LEPR: variants seen among roughly 807,000 people sequenced by gnomAD.
LEPR encodes leptin receptor.
A neutral mutation model predicts 114.7 loss-of-function variants in LEPR; 56 were observed. That is an observed-to-expected ratio of 0.49 (90% CI 0.39 to 0.61). The LOEUF is 0.61. Among genes scored for constraint, LEPR ranks in the 20% least tolerant of loss-of-function variants. The pLI is 0.00. For synonymous variants in LEPR, 443 were observed against 461.4 expected (o/e 0.96, Z 0.51); for missense variants, 1,202 against 1,352.9 (o/e 0.89, Z 1.75).
At chr1:65,555,266 G>C (rs1433796374) in intron 2 of LEPR, among the ~76,000 whole-genome samples, 5 of 152,200 alleles carry the variant, frequency 3.3e-5, no homozygotes, top group African/African-American at 9.6e-5. Flanking sequence ...CTGACTAACA[G>C]AATGCACAGC....
At chr1:65,581,388 C>T (rs1021211285) in intron 5 of LEPR, among the ~76,000 whole-genome samples, 3 of 151,894 alleles carry the variant, frequency 2.0e-5, no homozygotes, top group African/African-American at 7.3e-5. Flanking sequence ...AGCCCATATG[C>T]GCATCTAAGT....
chr1:65,570,730 T>C lies in LEPR; in HGVS notation c.298T>C (p.Ser100Pro). 1 of 1,609,076 alleles carries C rather than the reference T, an allele frequency of 6.2e-7. No homozygotes were observed. The highest frequency in any genetic ancestry group is 2.2e-5 in the East Asian group (1 of 44,758). The change falls in exon 4 of 20, where the codon TCC becomes CCC. Residue 100 changes from serine (S) to proline (P), a missense_variant. By Grantham distance (74) the Ser-to-Pro change is moderately conservative. Transcript: ENST00000349533. ...CFRSEQDRNC[S>P]LCADNIEGKT... is the part of the protein sequence containing the mutation. ...TCGGAGTGAGCAAGATAGAAACTGC[T>C]CCTTATGTGCAGACAACATTGAAGG...
chr1:65,485,547 G>T (rs1055626610), intron 2 of LEPR, among the ~76,000 whole-genome samples: 3 of 151,976 alleles, frequency 2.0e-5, no homozygotes, highest in African/African-American at 7.2e-5. Flanking sequence ...TAGGAGGTGG[G>T]GTTCAGATGA....
At chr1:65,447,808 T>C (rs1308105959) in intron 2 of LEPR, among the ~76,000 whole-genome samples, 1 of 152,198 alleles carries the variant, frequency 6.6e-6, no homozygotes, top group Non-Finnish European at 1.5e-5. Context: ...CCTAAAGTGC[T>C]GTATTGTGTT....
chr1:65,429,940 T>C, intron 2 of LEPR: 1 of 1,570,920 alleles, frequency 6.4e-7, no homozygotes, highest in Non-Finnish European at 8.7e-7. Flanking sequence ...GAGTCACCTA[T>C]GACTCAGATG....
At chr1:65,635,008 A>C in intron 19 of LEPR, 1 of 835,264 alleles carries the variant, frequency 1.2e-6, no homozygotes, top group Non-Finnish European at 1.4e-6. Flanking sequence ...TTCCATTATT[A>C]TATTTTGCGC....
intron 2 of LEPR, among the ~76,000 whole-genome samples, chr1:65,488,176 CTT>C (rs1376734047): frequency 7.0e-5 from 1 of 14,274 alleles, no homozygotes; most frequent in Non-Finnish European, 1.5e-4. Flanking sequence ...TTCTTTCTTT[CTT>C]TCTTTCTTTC....
intron 1 of LEPR, chr1:65,421,510 T>C: frequency 6.5e-7 from 1 of 1,533,868 alleles, no homozygotes; most frequent in Non-Finnish European, 8.7e-7. Flanking sequence ...CATGACTTGT[T>C]TTTATATTGG....
intron 5 of LEPR, among the ~76,000 whole-genome samples, chr1:65,591,239 C>T (rs1655675664): frequency 6.6e-6 from 1 of 151,930 alleles, no homozygotes. Flanking sequence ...GTTTTATGGA[C>T]CAGAATATGG....
chr1:65,467,523 C>T (rs7520568), intron 2 of LEPR, among the ~76,000 whole-genome samples: 44,596 of 152,124 alleles, frequency 0.29, 8,370 homozygotes, highest in Non-Finnish European at 0.41. Context: ...TCTGTCCATT[C>T]TCAGAGCTTG....
chr1:65,570,734 T>A lies in LEPR; in HGVS notation c.302T>A (p.Leu101Ter). Reference sequence around the variant, plus strand: ...AGTGAGCAAGATAGAAACTGCTCCTTATGTGCAGACAACATTGAAGGAAAG... The same window carrying A: ...AGTGAGCAAGATAGAAACTGCTCCTAATGTGCAGACAACATTGAAGGAAAG... ...FRSEQDRNCS[L>*]CADNIEGKTF... Residue 101 changes from leucine to a stop codon, truncating the protein, a stop_gained, in exon 4 of 20, where the codon TTA (leucine) becomes TAA (stop). Transcript: ENST00000349533. LOFTEE classifies it high-confidence loss of function. 6.2e-7 allele frequency: 1 copy of A among 1,604,682 alleles called. No homozygotes were observed. Among genetic ancestry groups the A allele is most frequent in the Non-Finnish European group, 8.5e-7 (1 of 1,173,646 alleles).
At chr1:65,634,333 T>C (rs1410458581) in intron 19 of LEPR, 3 of 981,366 alleles carry the variant, frequency 3.1e-6, no homozygotes, top group Non-Finnish European at 3.6e-6. Context: ...TCTTGACTTC[T>C]AATAGGTGTC....
In LEPR at chr1:65,636,480, C is replaced by G. The variant is rs202055592; in HGVS notation, c.2963C>G (p.Thr988Arg). 4 of 1,614,050 alleles carry G rather than the reference C, an allele frequency of 2.5e-6. No homozygotes were observed. The highest frequency in any genetic ancestry group is 3.4e-6 in the Non-Finnish European group (4 of 1,179,988). Residue 988 changes from threonine to arginine, a missense_variant, in exon 20 of 20, where the codon ACG becomes AGG. Thr to Arg is a moderately conservative substitution (Grantham distance 71, BLOSUM62 -1). Coordinates refer to ENST00000349533, the MANE Select transcript of LEPR (RefSeq NM_002303.6). ...AGACAACCCTTTGTTAAATACGCCA[C>G]GCTGATCAGCAACTCTAAACCAAGT... ...SQRQPFVKYA[T>R]LISNSKPSET...
intron 2 of LEPR, among the ~76,000 whole-genome samples, chr1:65,555,714 C>G (rs1652768060): frequency 6.6e-6 from 1 of 152,080 alleles, no homozygotes; most frequent in African/African-American, 2.4e-5. Context: ...TCAAGCTATA[C>G]TTGTTTCTGC....
At chr1:65,634,050 T>C in intron 19 of LEPR, 1 of 985,348 alleles carries the variant, frequency 1.0e-6, no homozygotes, top group Middle Eastern at 5.2e-4. Context: ...GGGAGACTCT[T>C]TGGAGCTTTT....
intron 10 of LEPR, among the ~76,000 whole-genome samples, chr1:65,603,021 AT>A (rs1656546956): frequency 6.6e-6 from 1 of 152,144 alleles, no homozygotes; most frequent in South Asian, 2.1e-4. Flanking sequence ...TGTTTCTCTT[AT>A]TAACATTTAC....
intron 5 of LEPR, among the ~76,000 whole-genome samples, chr1:65,591,127 T>C (rs1655666550): frequency 6.6e-6 from 1 of 152,120 alleles, no homozygotes; most frequent in Admixed American, 6.6e-5. Flanking sequence ...TTGTGTTCAG[T>C]TTCCAACTAT....
At chr1:65,608,331 T>G (rs545245812) in intron 11 of LEPR, among the ~76,000 whole-genome samples, 1 of 151,698 alleles carries the variant, frequency 6.6e-6, no homozygotes, top group Non-Finnish European at 1.5e-5. Context: ...CCCGGGTTCA[T>G]GCCATTCTCC....
rs749130756 is a variant in LEPR, at chr1:65,598,657, C to T, written c.850-3C>T. On this transcript the variant is annotated splice_polypyrimidine_tract_variant and splice_region_variant and intron_variant, in intron 7 of 19. Coordinates refer to ENST00000349533, the MANE Select transcript of LEPR (RefSeq NM_002303.6). ...TCTGATGTTTTAATATAATATTTAA[C>T]AGGCTGACAAGATTGTCTCAGCTAC... The T allele has an allele frequency of 6.2e-6, 10 of 1,612,690 alleles. No individual in the cohort carries two copies. The highest frequency in any genetic ancestry group is 3.3e-5 in the Admixed American group (2 of 59,888).
Sources: allele counts gnomAD v4.1 joint callset (sites outside exome capture counted in the v4.1 genomes callset), GRCh38; gene constraint gnomAD v4.1.1; transcripts MANE v1.5; gene names NCBI Gene and HGNC (gene_info 2026-07-23, HGNC 2026-07-21).